Variants in AGAP1 observed in about 807,000 individuals in gnomAD.
AGAP1 encodes ArfGAP with GTPase domain, ankyrin repeat and PH domain 1.
Under a neutral mutation model 105.3 loss-of-function variants are expected in AGAP1, and 29 were observed. That is an observed-to-expected ratio of 0.28 (90% CI 0.21 to 0.38). The LOEUF is 0.38. AGAP1 is among the 10% of genes least tolerant of loss of function. The pLI, the probability that AGAP1 is intolerant of heterozygous loss-of-function variation, is 1.00. For synonymous variants in AGAP1, 509 were observed against 485.9 expected, an observed-to-expected ratio of 1.05 and a Z score of -0.63; for missense variants, 998 against 1,165.1, an observed-to-expected ratio of 0.86 and a Z score of 2.09.
intron 1 of AGAP1, among the ~76,000 whole-genome samples, chr2:235,530,981 A>T (rs1441100215): frequency 6.6e-6 from 1 of 152,146 alleles, no homozygotes; most frequent in South Asian, 2.1e-4. Context: ...GGGTAGGGGG[A>T]CACTGGCCAA....
In AGAP1 at chr2:236,040,528, T is replaced by G; in HGVS notation, c.1801-223T>G. On this transcript the variant is annotated intron_variant, in intron 14 of 17. Coordinates refer to ENST00000304032, the MANE Select transcript of AGAP1 (RefSeq NM_001037131.3). The surrounding 1 kb of genome is among the most constrained non-coding windows in gnomAD (Gnocchi z 5.6). Reference sequence around the variant, plus strand: ...TTCTGGCAGAGTCCGTCTCAGCTGATGAGTTAAAATGTGACATTTCCTCCC... The same window carrying G: ...TTCTGGCAGAGTCCGTCTCAGCTGAGGAGTTAAAATGTGACATTTCCTCCC... 1 of 534,250 alleles carries G rather than the reference T, an allele frequency of 1.9e-6. No homozygotes were observed. Among genetic ancestry groups the G allele is most frequent in the Non-Finnish European group, 3.4e-6 (1 of 296,436 alleles). 33.1% of individuals were successfully genotyped at this position (534,250 alleles called of 1,614,324 possible). A position where few individuals can be genotyped will look rare whatever the true frequency, so the allele number is the denominator to read the frequency against.
At chr2:236,103,007 C>T (rs1332677160) in intron 16 of AGAP1, among the ~76,000 whole-genome samples, 1 of 130,912 alleles carries the variant, frequency 7.6e-6, no homozygotes, top group Non-Finnish European at 1.6e-5. Flanking sequence ...GGTTTCTGCC[C>T]ACCCCCCACC....
intron 9 of AGAP1, among the ~76,000 whole-genome samples, chr2:235,825,434 T>G (rs1209584315): frequency 6.6e-6 from 1 of 152,202 alleles, no homozygotes; most frequent in African/African-American, 2.4e-5. Context: ...TGAAAACTAT[T>G]ATTATTCATT....
At position 235,901,941 on chromosome 2, in the gene AGAP1, A is replaced by G. The variant is rs1263001236; in HGVS notation, c.1156-6797A>G. On this transcript the variant is annotated intron_variant, in intron 10 of 17. Transcript: ENST00000304032. This position sits in a 1 kb window ranked among gnomAD's most constrained non-coding sequence, Gnocchi z 4.3. ...GCTTTTGTTCATATGGATTTTGTCTATTGATATTCATCATGTTAGAAATTC... is the reference window on the plus strand; with the variant it reads ...GCTTTTGTTCATATGGATTTTGTCTGTTGATATTCATCATGTTAGAAATTC... Among the ~76,000 whole-genome samples, 5 of 152,144 alleles carry G rather than the reference A, an allele frequency of 3.3e-5. No homozygotes were observed. Among genetic ancestry groups the G allele is most frequent in the Non-Finnish European group, 5.9e-5 (4 of 68,040 alleles).
intron 16 of AGAP1, among the ~76,000 whole-genome samples, chr2:236,085,691 G>A (rs1242812553): frequency 1.3e-5 from 2 of 152,246 alleles, no homozygotes; most frequent in African/African-American, 2.4e-5. Context: ...CTGGAAGAGG[G>A]TTAGGCTGAG....
Position 236,101,858 on chromosome 2 carries a change from A to G in AGAP1, c.2115-18334A>G, listed in dbSNP as rs1484056797. On this transcript the variant is annotated intron_variant, in intron 16 of 17. Transcript: ENST00000304032. This position sits in a 1 kb window ranked among gnomAD's most constrained non-coding sequence, Gnocchi z 4.9. ...ATCGGGATTTATGCTTTAAAACAGT[A>G]GTTCACATTTTTTCTAATGGTGAAG... Among the ~76,000 whole-genome samples, 2 of 152,232 alleles carry G rather than the reference A, an allele frequency of 1.3e-5. No homozygotes were observed. The highest frequency in any genetic ancestry group is 6.5e-5 in the Admixed American group (1 of 15,284).
chr2:236,008,031 A>T (rs550547245), intron 13 of AGAP1, among the ~76,000 whole-genome samples: 2 of 152,218 alleles, frequency 1.3e-5, no homozygotes, highest in African/African-American at 4.8e-5. Context: ...ATTTTTTTCT[A>T]AGTGAGAATT....
At chr2:235,543,685 T>G (rs979285294) in intron 1 of AGAP1, among the ~76,000 whole-genome samples, 1 of 152,088 alleles carries the variant, frequency 6.6e-6, no homozygotes, top group African/African-American at 2.4e-5. Context: ...CAAGGATCTG[T>G]GTTTCCTGGA....
At position 235,620,961 on chromosome 2, in the gene AGAP1, G is replaced by T. The variant is rs1231379438; in HGVS notation, c.164-88218G>T. Among the ~76,000 whole-genome samples the T allele has an allele frequency of 1.3e-5, 2 of 152,194 alleles. No homozygotes were observed. Among genetic ancestry groups the T allele is most frequent in the African/African-American group, 4.8e-5 (2 of 41,450 alleles). ...CTGTTGTGAGTTCAGGAGCCAGGGG[G>T]CTGCATCTGCGTGTTGGCTCTGCTG... On this transcript the variant is annotated intron_variant, in intron 1 of 17. Coordinates refer to ENST00000304032, the MANE Select transcript of AGAP1 (RefSeq NM_001037131.3). This position sits in a 1 kb window ranked among gnomAD's most constrained non-coding sequence, Gnocchi z 4.5.
intron 13 of AGAP1, among the ~76,000 whole-genome samples, chr2:236,021,449 T>C (rs548825105): frequency 6.6e-6 from 1 of 152,160 alleles, no homozygotes; most frequent in African/African-American, 2.4e-5. Context: ...GCCCTAGGCC[T>C]GCCCAACATG....
rs1411790590 is a variant in AGAP1, at chr2:235,959,279, A to G, written c.1484-9183A>G. ...CGTGGGCCGGCTGGAGCTCATTTAC[A>G]GTGTCTCAGGCGGGGCTTTCGGGGC... On this transcript the variant is annotated intron_variant, in intron 12 of 17. Coordinates refer to ENST00000304032, the MANE Select transcript of AGAP1 (RefSeq NM_001037131.3). The surrounding 1 kb of genome is among the most constrained non-coding windows in gnomAD (Gnocchi z 7.3). 6.6e-6 allele frequency among the ~76,000 whole-genome samples: 1 copy of G among 152,164 alleles called. No individual in the cohort carries two copies. Among genetic ancestry groups the G allele is most frequent in the Non-Finnish European group, 1.5e-5 (1 of 68,042 alleles).
At position 235,741,686 on chromosome 2, in the gene AGAP1, C is replaced by T. The variant is rs1952591924; in HGVS notation, c.396+638C>T. On this transcript the variant is annotated intron_variant, in intron 4 of 17. Coordinates refer to ENST00000304032, the MANE Select transcript of AGAP1 (RefSeq NM_001037131.3). The surrounding 1 kb of genome is among the most constrained non-coding windows in gnomAD (Gnocchi z 4.9). ...CTTACAGCATAATTTACCAGTTAAG[C>T]ACTTTATTATTATTGTTATTATTAT... Among the ~76,000 whole-genome samples, 1 of 151,548 alleles carries T rather than the reference C, an allele frequency of 6.6e-6. No homozygotes were observed. The highest frequency in any genetic ancestry group is 2.1e-4 in the South Asian group (1 of 4,786).
At position 236,014,022 on chromosome 2, in the gene AGAP1, G is replaced by A. The variant is rs1576060852; in HGVS notation, c.1646-22539G>A. ...GTGGGGGCCCCATCTCAGTGAGCCA[G>A]CCAGGCACTGCACACAGCCTGAGTG... On this transcript the variant is annotated intron_variant, in intron 13 of 17. Coordinates refer to ENST00000304032, the MANE Select transcript of AGAP1 (RefSeq NM_001037131.3). The surrounding 1 kb of genome is among the most constrained non-coding windows in gnomAD (Gnocchi z 6.3). Among the ~76,000 whole-genome samples the A allele has an allele frequency of 2.0e-5, 3 of 152,326 alleles. No homozygotes were observed. The East Asian group carries it at 5.8e-4, about 29-fold the overall frequency.
Position 235,961,996 on chromosome 2 carries a change from G to C in AGAP1, c.1484-6466G>C, listed in dbSNP as rs2054208403. ...ATGGAGACTGCTGGGGACAGGCTGG[G>C]GCAGGGCGGGGTGGAGGGTGTCCTC... On this transcript the variant is annotated intron_variant, in intron 12 of 17. Transcript: ENST00000304032. This position sits in a 1 kb window ranked among gnomAD's most constrained non-coding sequence, Gnocchi z 5.9. 6.6e-6 allele frequency among the ~76,000 whole-genome samples: 1 copy of C among 152,074 alleles called. No individual in the cohort carries two copies. Among genetic ancestry groups the C allele is most frequent in the Non-Finnish European group, 1.5e-5 (1 of 68,040 alleles).
At chr2:235,924,992 C>T (rs1032850817) in intron 11 of AGAP1, among the ~76,000 whole-genome samples, 2 of 152,086 alleles carry the variant, frequency 1.3e-5, no homozygotes, top group South Asian at 2.1e-4. Context: ...CTGCCAGCAA[C>T]AGTGGGGTGG....
At chr2:235,593,237 A>AC (rs1305400886) in intron 1 of AGAP1, among the ~76,000 whole-genome samples, 1 of 152,206 alleles carries the variant, frequency 6.6e-6, no homozygotes, top group Non-Finnish European at 1.5e-5. Context: ...GTCTTGCAGC[A>AC]CGTGGGTAAC....
At chr2:235,940,055 G>T (rs956981314) in intron 12 of AGAP1, among the ~76,000 whole-genome samples, 1 of 152,128 alleles carries the variant, frequency 6.6e-6, no homozygotes, top group Admixed American at 6.5e-5. Flanking sequence ...TTCATCCAGA[G>T]CGTCTGTTTC....
Position 236,009,013 on chromosome 2 carries a change from C to A in AGAP1, c.1646-27548C>A, listed in dbSNP as rs915142451. On this transcript the variant is annotated intron_variant, in intron 13 of 17. Coordinates refer to ENST00000304032, the MANE Select transcript of AGAP1 (RefSeq NM_001037131.3). This position sits in a 1 kb window ranked among gnomAD's most constrained non-coding sequence, Gnocchi z 4.2. ...CGTGTCCTATATATTTGCTTGGCCT[C>A]GGGTTTTGTTTAATCCCTTCAAAGG... Among the ~76,000 whole-genome samples, 1 of 152,138 alleles carries A rather than the reference C, an allele frequency of 6.6e-6. No individual in the cohort carries two copies. The highest frequency in any genetic ancestry group is 2.1e-4 in the South Asian group (1 of 4,822).
rs933570368 is a variant in AGAP1, at chr2:235,737,036, A to G, written c.311-3927A>G. Among the ~76,000 whole-genome samples, 1 of 152,160 alleles carries G rather than the reference A, an allele frequency of 6.6e-6. No homozygotes were observed. Among genetic ancestry groups the G allele is most frequent in the South Asian group, 2.1e-4 (1 of 4,824 alleles). Reference sequence around the variant, plus strand: ...GGTTCAAGTGTAGAAAATGAATTTTAAAGTGTTACCTACCTGCCAGCCCAG... The same window carrying G: ...GGTTCAAGTGTAGAAAATGAATTTTGAAGTGTTACCTACCTGCCAGCCCAG... On this transcript the variant is annotated intron_variant, in intron 3 of 17. Transcript: ENST00000304032. This position sits in a 1 kb window ranked among gnomAD's most constrained non-coding sequence, Gnocchi z 4.5.
Sources: allele counts gnomAD v4.1 joint callset (sites outside exome capture counted in the v4.1 genomes callset), GRCh38; gene constraint gnomAD v4.1.1; non-coding constraint Gnocchi (gnomAD v3.1); transcripts MANE v1.5; gene names NCBI Gene and HGNC (gene_info 2026-07-23, HGNC 2026-07-21).